EPB41L4A: variants seen among roughly 807,000 people sequenced by gnomAD.
The protein encoded by EPB41L4A is band 4.1-like protein 4A.
A neutral mutation model predicts 108.6 loss-of-function variants in EPB41L4A; 100 were observed. The observed-to-expected ratio is 0.92, with a 90% CI of 0.78 to 1.09. The LOEUF is 1.09. Ranked by LOEUF, EPB41L4A falls within the 50% of genes least tolerant of loss-of-function variation. The pLI, the probability that EPB41L4A is intolerant of heterozygous loss-of-function variation, is 0.00. For missense variants in EPB41L4A, 1,030 were observed against 842.7 expected (o/e 1.22, Z -2.75); for synonymous variants, 319 against 289.0 (o/e 1.10, Z -1.05).
chr5:112,155,681 A>G (rs1561432464), intron 12 of EPB41L4A, among the ~76,000 whole-genome samples: 2 of 152,210 alleles, frequency 1.3e-5, no homozygotes, highest in South Asian at 4.1e-4. Context: ...CAAAACAAGC[A>G]GAAAAGCAAT....
intron 1 of EPB41L4A, among the ~76,000 whole-genome samples, chr5:112,398,519 G>A (rs956195931): frequency 6.6e-6 from 1 of 152,144 alleles, no homozygotes; most frequent in Non-Finnish European, 1.5e-5. Flanking sequence ...CTTCCGAGTA[G>A]CTGGGACTAC....
intron 9 of EPB41L4A, among the ~76,000 whole-genome samples, chr5:112,248,884 T>C (rs1279370791): frequency 6.6e-6 from 1 of 152,132 alleles, no homozygotes; most frequent in Non-Finnish European, 1.5e-5. Flanking sequence ...AAGAATGCAA[T>C]CCTGTACTCT....
At chr5:112,375,036 C>A (rs992076864) in intron 1 of EPB41L4A, among the ~76,000 whole-genome samples, 1 of 152,132 alleles carries the variant, frequency 6.6e-6, no homozygotes, top group Non-Finnish European at 1.5e-5. Context: ...AATACCAGTG[C>A]CTAATCTCCA....
chr5:112,195,081 G>C (rs1048740182), intron 16 of EPB41L4A, among the ~76,000 whole-genome samples: 6 of 152,096 alleles, frequency 3.9e-5, no homozygotes, highest in Admixed American at 2.6e-4. Context: ...TTTACCAATA[G>C]AATGAGGTGG....
intron 1 of EPB41L4A, among the ~76,000 whole-genome samples, chr5:112,368,361 T>C (rs1473621707): frequency 2.0e-5 from 3 of 152,140 alleles, no homozygotes; most frequent in African/African-American, 4.8e-5. Flanking sequence ...CCTCTTCTGA[T>C]ACCTACCCCA....
chr5:112,187,958 A>C (rs1428516168), intron 17 of EPB41L4A, among the ~76,000 whole-genome samples: 1 of 152,210 alleles, frequency 6.6e-6, no homozygotes, highest in Non-Finnish European at 1.5e-5. Context: ...GTCAAGTCTC[A>C]GGTTGTTCAT....
Position 112,240,798 on chromosome 5 carries a change from A to G in EPB41L4A, c.808T>C (p.Ser270Pro). 6.3e-7 allele frequency: 1 copy of G among 1,590,118 alleles called. No homozygotes were observed. Among genetic ancestry groups the G allele is most frequent in the South Asian group, 1.2e-5 (1 of 85,906 alleles). Residue 270 changes from serine (S) to proline (P), a missense_variant, in exon 10 of 23, where the codon TCA becomes CCA. By Grantham distance (74) the Ser-to-Pro change is moderately conservative. Coordinates refer to ENST00000261486, the MANE Select transcript of EPB41L4A (RefSeq NM_022140.5). Reference protein sequence around the residue: ...RVLGKDCNETSFFFEARSKTA... With the variant: ...RVLGKDCNETPFFFEARSKTA... ...TTACTCCGAGCTTCAAAAAAGAATG[A>G]GGTTTCGTTACACTAAGAGAGAAAG...
intron 1 of EPB41L4A, among the ~76,000 whole-genome samples, chr5:112,355,035 G>A (rs1435378892): frequency 6.6e-6 from 1 of 152,060 alleles, no homozygotes; most frequent in East Asian, 1.9e-4. Flanking sequence ...GAAAAAGGCA[G>A]GAGGAATGAA....
intron 1 of EPB41L4A, among the ~76,000 whole-genome samples, chr5:112,331,135 T>C (rs1756539007): frequency 6.6e-6 from 1 of 152,170 alleles, no homozygotes; most frequent in Admixed American, 6.5e-5. Flanking sequence ...CTCACACAAA[T>C]TTGGAAAAGT....
At chr5:112,143,731 TAGAAAAGTCC>T in exon 14 of EPB41L4A, 1 of 334,068 alleles carries the variant, frequency 3.0e-6, no homozygotes, top group South Asian at 2.2e-5. Context: ...GACTCCAATA[TAGAAAAGTCC>T]CAGACAAGGG....
At chr5:112,357,143 A>G (rs1189647677) in intron 1 of EPB41L4A, among the ~76,000 whole-genome samples, 1 of 152,234 alleles carries the variant, frequency 6.6e-6, no homozygotes, top group African/African-American at 2.4e-5. Context: ...AACAAGATCC[A>G]GAGAATCACA....
chr5:112,190,574 G>A (rs1488821550), intron 17 of EPB41L4A, among the ~76,000 whole-genome samples: 7 of 152,172 alleles, frequency 4.6e-5, no homozygotes, highest in African/African-American at 7.2e-5. Flanking sequence ...AGGAGATGCC[G>A]TAGCAGTGAG....
At chr5:112,258,468 C>T (rs879350229) in intron 9 of EPB41L4A, among the ~76,000 whole-genome samples, 1 of 152,192 alleles carries the variant, frequency 6.6e-6, no homozygotes, top group African/African-American at 2.4e-5. Flanking sequence ...TCTCCTATAT[C>T]GTGTTTTCAC....
intron 1 of EPB41L4A, among the ~76,000 whole-genome samples, chr5:112,382,342 T>C (rs1323129521): frequency 6.6e-6 from 1 of 152,154 alleles, no homozygotes; most frequent in African/African-American, 2.4e-5. Context: ...AGGAAGCAAG[T>C]GTCAGAAACT....
intron 1 of EPB41L4A, among the ~76,000 whole-genome samples, chr5:112,400,110 AC>A (rs1465664350): frequency 6.6e-6 from 1 of 152,176 alleles, no homozygotes; most frequent in East Asian, 1.9e-4. Context: ...GGCTGGGGAG[AC>A]CTCAGGAAAC....
intron 15 of EPB41L4A, among the ~76,000 whole-genome samples, chr5:112,201,067 T>G (rs1420827004): frequency 2.0e-5 from 3 of 152,194 alleles, no homozygotes. Context: ...TTGTGCTGAG[T>G]GCAAGGTAAA....
intron 12 of EPB41L4A, among the ~76,000 whole-genome samples, chr5:112,155,065 T>C (rs1001399321): frequency 6.6e-6 from 1 of 152,086 alleles, no homozygotes; most frequent in African/African-American, 2.4e-5. Flanking sequence ...TAGTTTAAAA[T>C]TGTCCCACAA....
intron 1 of EPB41L4A, 75 bp from the exon 2 acceptor site, chr5:112,307,565 C>T (rs1754776828): frequency 1.4e-5 from 13 of 922,538 alleles, no homozygotes; most frequent in Admixed American, 4.1e-5. Context: ...TGGTTCTCAT[C>T]TTTTATTAGT....
chr5:112,249,574 ATT>A (rs1464410658), intron 9 of EPB41L4A: 8 of 152,122 alleles, frequency 5.3e-5, no homozygotes, highest in African/African-American at 1.7e-4. Flanking sequence ...CTTTCCTCAT[ATT>A]TTTTCATGCT....
Sources: gnomAD v4.1 joint callset for allele counts (sites outside exome capture counted in the v4.1 genomes callset) on GRCh38, gnomAD v4.1.1 for gene constraint, MANE v1.5 for transcripts, NCBI Gene and HGNC (gene_info 2026-07-23, HGNC 2026-07-21) for gene names.